The following PHACTR1 variants were observed in gnomAD, a reference collection of about 807,000 sequenced individuals.
PHACTR1 encodes the protein phosphatase and actin regulator 1.
Under a neutral mutation model 69.2 loss-of-function variants are expected in PHACTR1, and 16 were observed. That is an observed-to-expected ratio of 0.23 (90% CI 0.16 to 0.35). PHACTR1 has a LOEUF of 0.35. PHACTR1 is among the 10% of genes least tolerant of loss of function. The pLI is 1.00. For missense variants in PHACTR1, 510 were observed against 734.7 expected, an observed-to-expected ratio of 0.69 and a Z score of 3.54; for synonymous variants, 312 against 284.5, an observed-to-expected ratio of 1.10 and a Z score of -0.97.
At chr6:12,848,476 A>C (rs1042184095) in intron 4 of PHACTR1, among the ~76,000 whole-genome samples, 1 of 152,232 alleles carries the variant, frequency 6.6e-6, no homozygotes. Context: ...TCTATTAAAA[A>C]TCTAATGTAA....
chr6:13,051,166 C>CATTATTTT lies in PHACTR1; in HGVS notation c.251-2198_251-2191dup, dbSNP rs536094382. On this transcript the variant is annotated intron_variant, in intron 4 of 14. Transcript: ENST00000332995. ...TTGATCTATTTTACCAGGTTCCACT[C>CATTATTTT]ATTATTTTTTTCCCCAAAGCAAGTA... Among the ~76,000 whole-genome samples, 1,104 of 152,216 alleles carry CATTATTTT rather than the reference C, an allele frequency of 7.3e-3. 46 individuals are homozygous for CATTATTTT. In the South Asian group the frequency reaches 0.12, roughly 17 times the overall value.
rs777083372 is a variant in PHACTR1 at position 12,717,663 on chromosome 6, T to C, written c.-127T>C. On this transcript the variant is annotated 5_prime_UTR_variant, in exon 2 of 15. Coordinates refer to ENST00000332995, the MANE Select transcript of PHACTR1 (RefSeq NM_030948.6). ...AAATCGTTTACTTTCACCGGGAATA[T>C]TTAGCAAGATCAAAGACACTCTGGC... 1 of 152,228 alleles carries C rather than the reference T, an allele frequency of 6.6e-6. No homozygotes were observed. The highest frequency in any genetic ancestry group is 1.5e-5 in the Non-Finnish European group (1 of 68,050). The allele number at this position is 152,228 out of a possible 1,614,324, so 9.4% of individuals were successfully genotyped here. A position where few individuals can be genotyped will look rare whatever the true frequency, so the allele number is the denominator to read the frequency against.
In PHACTR1 at chr6:12,978,444, G is replaced by A. The variant is rs6923153; in HGVS notation, c.251-74921G>A. Among the ~76,000 whole-genome samples, 644 of 152,172 alleles carry A rather than the reference G, an allele frequency of 4.2e-3. 3 individuals are homozygous for A. The highest frequency in any genetic ancestry group is 0.014 in the African/African-American group (595 of 41,504). On this transcript the variant is annotated intron_variant, in intron 4 of 14. Transcript: ENST00000332995. ...CTGCCGTTCCACGCAGTCAGGGCTC[G>A]CCTACCTCCATGCCTGCTGCCCTGC...
intron 5 of PHACTR1, among the ~76,000 whole-genome samples, chr6:13,079,370 G>T (rs1811027452): frequency 1.3e-5 from 2 of 152,084 alleles, no homozygotes; most frequent in Non-Finnish European, 2.9e-5. Flanking sequence ...ATTTCCATGT[G>T]GGCATATTTA....
intron 5 of PHACTR1, among the ~76,000 whole-genome samples, chr6:13,154,546 T>G (rs1757898669): frequency 6.6e-6 from 1 of 152,294 alleles, no homozygotes; most frequent in East Asian, 1.9e-4. Context: ...CCTTCTGACT[T>G]TATTTTTTTA....
At chr6:12,901,773 G>A (rs1305812756) in intron 4 of PHACTR1, among the ~76,000 whole-genome samples, 5 of 152,162 alleles carry the variant, frequency 3.3e-5, no homozygotes, top group Non-Finnish European at 7.3e-5. Context: ...TGAGATTACA[G>A]GGGTGAGCCA....
At chr6:13,242,988 C>T (rs1207248203) in intron 10 of PHACTR1, among the ~76,000 whole-genome samples, 3 of 152,188 alleles carry the variant, frequency 2.0e-5, no homozygotes, top group Non-Finnish European at 4.4e-5. Context: ...TTTCTGCTTT[C>T]AACTGGAAAA....
intron 4 of PHACTR1, among the ~76,000 whole-genome samples, chr6:12,783,226 G>T (rs571462042): frequency 6.6e-6 from 1 of 152,122 alleles, no homozygotes; most frequent in Non-Finnish European, 1.5e-5. Context: ...GCCCAGGTAG[G>T]TTGCACGAAA....
At chr6:13,122,038 T>A (rs925463789) in intron 5 of PHACTR1, among the ~76,000 whole-genome samples, 1 of 152,158 alleles carries the variant, frequency 6.6e-6, no homozygotes, top group Non-Finnish European at 1.5e-5. Context: ...TGCCACACAT[T>A]TATGGTGTGA....
In PHACTR1 at chr6:12,897,485, C is replaced by A. The variant is rs186069645; in HGVS notation, c.250+147695C>A. On this transcript the variant is annotated intron_variant, in intron 4 of 14. Transcript: ENST00000332995. ...TCCCATGCTACAAATAAAGCCTCCA[C>A]CAATCCTGCATCCTCTCATTATTGC... 8.0e-4 allele frequency among the ~76,000 whole-genome samples: 122 copies of A among 152,154 alleles called. 1 individual carries two copies. Among genetic ancestry groups the A allele is most frequent in the African/African-American group, 2.1e-3 (87 of 41,504 alleles).
intron 5 of PHACTR1, among the ~76,000 whole-genome samples, chr6:13,111,973 C>T (rs986116653): frequency 6.6e-6 from 1 of 151,936 alleles, no homozygotes; most frequent in Non-Finnish European, 1.5e-5. Context: ...ATTTCATCAC[C>T]CAGGTATTAA....
intron 7 of PHACTR1, among the ~76,000 whole-genome samples, chr6:13,193,530 G>C (rs913125257): frequency 5.3e-5 from 8 of 150,878 alleles, no homozygotes; most frequent in Non-Finnish European, 1.2e-4. Flanking sequence ...GGGACTATAG[G>C]CATGCGCCAC....
At chr6:12,913,038 A>G (rs1048545374) in intron 4 of PHACTR1, among the ~76,000 whole-genome samples, 3 of 152,224 alleles carry the variant, frequency 2.0e-5, no homozygotes, top group African/African-American at 7.2e-5. Context: ...AAAAAGCTTC[A>G]TACCTGTTCC....
chr6:12,788,823 A>C (rs186633555), intron 4 of PHACTR1, among the ~76,000 whole-genome samples: 9 of 152,348 alleles, frequency 5.9e-5, no homozygotes, highest in Middle Eastern at 6.8e-3. Flanking sequence ...TAACAAGAGG[A>C]GGCAGATTTG....
chr6:13,038,513 G>A (rs934928856), intron 4 of PHACTR1, among the ~76,000 whole-genome samples: 5 of 150,180 alleles, frequency 3.3e-5, no homozygotes, highest in Admixed American at 3.3e-4. Context: ...AAAAAGGAAG[G>A]ACTTGGCTCC....
At chr6:13,080,546 A>G (rs1317089803) in intron 5 of PHACTR1, among the ~76,000 whole-genome samples, 1 of 152,202 alleles carries the variant, frequency 6.6e-6, no homozygotes, top group African/African-American at 2.4e-5. Context: ...ATGGTCTTCC[A>G]AGAACTAATA....
chr6:13,001,750 A>T (rs1414498596), intron 4 of PHACTR1, among the ~76,000 whole-genome samples: 2 of 152,022 alleles, frequency 1.3e-5, no homozygotes, highest in African/African-American at 4.8e-5. Context: ...CCTCCTTCTC[A>T]CTTTGGTGTG....
At chr6:12,723,488 CT>C (rs1180252640) in intron 3 of PHACTR1, among the ~76,000 whole-genome samples, 2,048 of 128,126 alleles carry the variant, frequency 0.016, 30 homozygotes, top group African/African-American at 0.046. Flanking sequence ...TTGGCCTTTT[CT>C]TTTTTTTTTT....
intron 4 of PHACTR1, among the ~76,000 whole-genome samples, chr6:12,917,068 A>G (rs1487462745): frequency 1.3e-5 from 2 of 152,206 alleles, no homozygotes; most frequent in Non-Finnish European, 2.9e-5. Flanking sequence ...TGTGATTATA[A>G]CTGTGGCTTC....
Sources: allele counts gnomAD v4.1 joint callset (sites outside exome capture counted in the v4.1 genomes callset), GRCh38; gene constraint gnomAD v4.1.1; transcripts MANE v1.5; gene names NCBI Gene and HGNC (gene_info 2026-07-23, HGNC 2026-07-21).